INTS1: variants seen among roughly 807,000 people sequenced by gnomAD.
The protein encoded by INTS1 is integrator complex subunit 1.
In INTS1, 137 loss-of-function variants were observed where a neutral mutation model predicts 241.6. The observed-to-expected ratio is 0.57, with a 90% CI of 0.49 to 0.65. The LOEUF (loss-of-function observed/expected upper bound fraction) is 0.65. Among genes scored for constraint, INTS1 ranks in the 30% least tolerant of loss-of-function variants. The pLI is 0.00. For missense variants in INTS1, 3,073 were observed against 3,032.2 expected, an observed-to-expected ratio of 1.01 and a Z score of -0.32; for synonymous variants, 1,692 against 1,337.8, an observed-to-expected ratio of 1.26 and a Z score of -5.78.
intron 27 of INTS1, chr7:1,482,171 C>G: frequency 5.4e-6 from 1 of 185,028 alleles, no homozygotes; most frequent in East Asian, 1.3e-4. Flanking sequence ...TCAGTCCTTG[C>G]TGGGGTCCCC....
chr7:1,498,947 C>CCCCCCCCCCCCCCCCCCCG, intron 8 of INTS1, 28 bp downstream of exon 8: 1 of 1,339,464 alleles, frequency 7.5e-7, no homozygotes, highest in Non-Finnish European at 1.0e-6. Flanking sequence ...CCCCCTGCCC[C>CCCCCCCCCCCCCCCCCCCG]GCCCACCCCC....
intron 29 of INTS1, 89 bp from the exon 30 acceptor site, chr7:1,480,530 C>A: frequency 7.0e-7 from 1 of 1,419,276 alleles, no homozygotes; most frequent in South Asian, 1.4e-5. Context: ...GAGTCCTGCC[C>A]GGGGACTGTC....
Position 1,472,327 on chromosome 7 carries a change from C to T in INTS1, c.6130G>A (p.Ala2044Thr), listed in dbSNP as rs1294949095. ...VSVSLFTPLT[A>T]AEMAPYMKRL... ...TTCATGTAGGGGGCCATCTCGGCCG[C>T]GGTCAGAGGGGTGAACAGGGAGACG... is the stretch of plus-strand genomic sequence containing the variant. The change falls in exon 44 of 48, where the codon GCG becomes ACG. Residue 2044 changes from alanine to threonine, a missense_variant. Coordinates refer to ENST00000404767, the MANE Select transcript of INTS1 (RefSeq NM_001080453.3). 7.0e-6 allele frequency: 11 copies of T among 1,572,320 alleles called. No homozygotes were observed. The highest frequency in any genetic ancestry group is 5.6e-5 in the Admixed American group (3 of 53,916).
In INTS1 at chr7:1,499,501, C is replaced by T. The variant is rs374291920; in HGVS notation, c.816G>A (p.Ala272=). 396 of 1,608,646 alleles carry T rather than the reference C, an allele frequency of 2.5e-4. No individual in the cohort carries two copies. Among genetic ancestry groups the T allele is most frequent in the Non-Finnish European group, 1.8e-4 (216 of 1,177,520 alleles). Residue 272 remains alanine, a synonymous_variant, in exon 6 of 48, where the codon GCG becomes GCA. Transcript: ENST00000404767. ...CACCCAGGTCGCCCGCAACGCGGCC[C>T]GCCTCCCCCTGCAGCAGCACGCTCC... ...PPRSVLLQGE[A]GRVAGDLGAG...
At position 1,476,933 on chromosome 7, in the gene INTS1, A is replaced by G. The variant is rs768282905; in HGVS notation, c.4939-15T>C. On this transcript the variant is annotated splice_polypyrimidine_tract_variant and intron_variant, in intron 35 of 47. Coordinates refer to ENST00000404767, the MANE Select transcript of INTS1 (RefSeq NM_001080453.3). ...TGACCTTTGCCCTGGGGAGGGAGGA[A>G]GAAGCCCGGATGGCCTCACCTGGGC... 10 of 1,605,218 alleles carry G rather than the reference A, an allele frequency of 6.2e-6. No individual in the cohort carries two copies. In the Admixed American group the frequency reaches 1.4e-4, roughly 22 times the overall value.
At chr7:1,482,746 C>T (rs766899083) in intron 26 of INTS1, 39 bp from the exon 27 acceptor site, 1 of 1,602,106 alleles carries the variant, frequency 6.2e-7, no homozygotes, top group Non-Finnish European at 8.5e-7. Flanking sequence ...TTCAGACCCA[C>T]CGGGGCCCAG....
chr7:1,475,748 T>C (rs1419848033), intron 39 of INTS1, among the ~76,000 whole-genome samples, 200 bp downstream of exon 39: 1 of 152,236 alleles, frequency 6.6e-6, no homozygotes, highest in East Asian at 1.9e-4. Context: ...CTCTCCAGAC[T>C]GTGCGAGCAG....
intron 3 of INTS1, among the ~76,000 whole-genome samples, chr7:1,502,498 G>A (rs1225681508): frequency 2.0e-5 from 3 of 152,194 alleles, no homozygotes; most frequent in East Asian, 1.9e-4. Context: ...GAGGGAAGGA[G>A]GAACCAAGTA....
rs777134102 is a variant in INTS1 at position 1,489,386 on chromosome 7, T to A, written c.2276A>T (p.Glu759Val). The A allele has an allele frequency of 6.7e-6, 7 of 1,037,706 alleles. No individual in the cohort carries two copies. In the East Asian group the frequency reaches 6.4e-4, roughly 95 times the overall value. The allele number at this position is 1,037,706 out of a possible 1,614,324, so 64.3% of individuals were successfully genotyped here. Reference protein sequence around the residue: ...PENIGLAAWEEYPTLKMLMEM... With the variant: ...PENIGLAAWEVYPTLKMLMEM... ...CATGAGCATCTTCAGGGTCGGGTAC[T>A]CCTCCCACGCAGCCAGGCCTAGGGA... is the stretch of plus-strand genomic sequence containing the variant. Residue 759 changes from glutamate (E) to valine (V), a missense_variant, in exon 18 of 48, where the codon GAG becomes GTG. By Grantham distance (121) the Glu-to-Val change is moderately radical. Transcript: ENST00000404767.
intron 24 of INTS1, 64 bp from the exon 25 acceptor site, chr7:1,484,234 T>C (rs2128537530): frequency 6.6e-7 from 1 of 1,524,608 alleles, no homozygotes; most frequent in Non-Finnish European, 8.9e-7. Context: ...CCAGCTGGGG[T>C]GACCTCGTCG....
intron 44 of INTS1, 44 bp downstream of exon 44, chr7:1,472,229 C>A (rs1340052828): frequency 1.5e-5 from 21 of 1,423,742 alleles, no homozygotes; most frequent in Non-Finnish European, 1.8e-5. Context: ...CCCCATGGGA[C>A]CCAGGGCGCT....
chr7:1,481,589 C>A lies in INTS1; in HGVS notation c.3704-101G>T, dbSNP rs1021731404. ...GCTGCCTGTGTGCAGTGACCCCACC[C>A]ACCTGAGACCCTGGGCCACGTGGGC... On this transcript the variant is annotated intron_variant, in intron 27 of 47. Coordinates refer to ENST00000404767, the MANE Select transcript of INTS1 (RefSeq NM_001080453.3). The surrounding 1 kb of genome is among the most constrained non-coding windows in gnomAD (Gnocchi z 6.8). 64 of 1,266,726 alleles carry A rather than the reference C, an allele frequency of 5.1e-5. No homozygotes were observed. Among genetic ancestry groups the A allele is most frequent in the Admixed American group, 2.3e-4 (8 of 34,462 alleles). 78.5% of individuals were successfully genotyped at this position (1,266,726 alleles called of 1,614,324 possible). A position where few individuals can be genotyped will look rare whatever the true frequency, so the allele number is the denominator to read the frequency against.
intron 24 of INTS1, 92 bp from the exon 25 acceptor site, chr7:1,484,262 G>A: frequency 1.5e-6 from 2 of 1,361,704 alleles, no homozygotes; most frequent in South Asian, 1.4e-5. Flanking sequence ...GCTCTCACTG[G>A]GATCTTAAGC....
intron 2 of INTS1, 29 bp downstream of exon 2, chr7:1,503,874 C>CAAAGACCCCG: frequency 6.5e-7 from 1 of 1,538,454 alleles, no homozygotes; most frequent in Non-Finnish European, 8.8e-7. Flanking sequence ...CAAAGACCCC[C>CAAAGACCCCG]GGGCTGCAGA....
chr7:1,476,169 G>T lies in INTS1; in HGVS notation c.5378+60C>A, dbSNP rs544461621. The stretch of plus-strand genomic sequence containing the variant: ...GTGATGGGAACCCACCCAGGGCTGG[G>T]CCTCGACCCCCTCCATGGCTCACTC... On this transcript the variant is annotated intron_variant, in intron 38 of 47. Coordinates refer to ENST00000404767, the MANE Select transcript of INTS1 (RefSeq NM_001080453.3). The T allele has an allele frequency of 1.2e-5, 18 of 1,527,684 alleles. No individual in the cohort carries two copies. In the South Asian group the frequency reaches 2.2e-4, roughly 18 times the overall value. The allele number at this position is 1,527,684 out of a possible 1,614,324, so 94.6% of individuals were successfully genotyped here.
chr7:1,502,745 G>A (rs1395046914), intron 3 of INTS1, among the ~76,000 whole-genome samples, 156 bp downstream of exon 3: 1 of 152,210 alleles, frequency 6.6e-6, no homozygotes, highest in Non-Finnish European at 1.5e-5. Flanking sequence ...GGGCATCTAC[G>A]TGAGAAGCAC....
rs1446332643 is a variant in INTS1 at position 1,476,863 on chromosome 7, G to A, written c.4994C>T (p.Thr1665Met). The change falls in exon 36 of 48, where the codon ACG becomes ATG. Residue 1665 changes from threonine (T) to methionine (M), a missense_variant. Coordinates refer to ENST00000404767, the MANE Select transcript of INTS1 (RefSeq NM_001080453.3). ...SFRPYLLTLF[T>M]HQSSWPTLHQ... is the part of the protein sequence containing the mutation. ...CAGTGTGGGCCAGCTGGACTGATGC[G>A]TGAAGAGGGTCAGGAGGTAGGGACG... 10 of 1,612,890 alleles carry A rather than the reference G, an allele frequency of 6.2e-6. No individual in the cohort carries two copies. The highest frequency in any genetic ancestry group is 2.7e-5 in the African/African-American group (2 of 75,060).
rs1345716046 is a variant in INTS1, at chr7:1,481,655, C to A, written c.3704-167G>T. ...AAGACCTGGGGCAGTGCACACTCGG[C>A]AGCCCCACCTGAGACCCTGGGCCAC... On this transcript the variant is annotated intron_variant, in intron 27 of 47. Coordinates refer to ENST00000404767, the MANE Select transcript of INTS1 (RefSeq NM_001080453.3). The surrounding 1 kb of genome is among the most constrained non-coding windows in gnomAD (Gnocchi z 6.8). 6.8e-6 allele frequency among the ~76,000 whole-genome samples: 1 copy of A among 147,276 alleles called. No individual in the cohort carries two copies. The highest frequency in any genetic ancestry group is 2.5e-5 in the African/African-American group (1 of 39,706).
chr7:1,489,307 C>A (rs747860438), intron 18 of INTS1, 37 bp downstream of exon 18: 5 of 1,591,164 alleles, frequency 3.1e-6, no homozygotes, highest in Non-Finnish European at 4.3e-6. Context: ...GGCCCTGCTC[C>A]CCATCCCGGG....
Sources: allele counts gnomAD v4.1 joint callset (sites outside exome capture counted in the v4.1 genomes callset), GRCh38; gene constraint gnomAD v4.1.1; non-coding constraint Gnocchi (gnomAD v3.1); transcripts MANE v1.5; gene names NCBI Gene and HGNC (gene_info 2026-07-23, HGNC 2026-07-21).